The following ULK2 variants were observed in gnomAD, a reference collection of about 807,000 sequenced individuals.
ULK2 encodes the protein serine/threonine-protein kinase ULK2.
In ULK2, 76 loss-of-function variants were observed where a neutral mutation model predicts 127.5. The observed-to-expected ratio is 0.60, with a 90% confidence interval of 0.50 to 0.72. The LOEUF is 0.72. Among genes scored for constraint, ULK2 ranks in the 30% least tolerant of loss-of-function variants. The pLI is 0.00. For missense variants in ULK2, 1,144 were observed against 1,295.9 expected (o/e 0.88, Z 1.80); for synonymous variants, 452 against 461.9 (o/e 0.98, Z 0.28).
At position 19,795,594 on chromosome 17, in the gene ULK2, G is replaced by A. The variant is rs749588857; in HGVS notation, c.2101+28C>T. On this transcript the variant is annotated intron_variant, in intron 20 of 26. Coordinates refer to ENST00000395544, the MANE Select transcript of ULK2 (RefSeq NM_014683.4). The stretch of plus-strand genomic sequence containing the variant: ...AAATGCATATGCTAGCAAATTACCT[G>A]CCTAAAAAGAAACTACATTTTTCTT... 3.8e-6 allele frequency: 6 copies of A among 1,579,710 alleles called. No individual in the cohort carries two copies. The Admixed American group carries it at 1.0e-4, about 26-fold the overall frequency.
chr17:19,776,146 G>C lies in ULK2; in HGVS notation c.*203C>G, dbSNP rs371133825. 3.9e-6 allele frequency: 2 copies of C among 510,376 alleles called. No individual in the cohort carries two copies. 31.6% of individuals were successfully genotyped at this position (510,376 alleles called of 1,614,324 possible). A position where few individuals can be genotyped will look rare whatever the true frequency, so the allele number is the denominator to read the frequency against. ...CTGCTTCTACAAAGAAAAAGGGAAA[G>C]GGTGATTTTCTCCAATAAGGCAGAT... On this transcript the variant is annotated 3_prime_UTR_variant, in exon 27 of 27. Coordinates refer to ENST00000395544, the MANE Select transcript of ULK2 (RefSeq NM_014683.4).
At chr17:19,845,960 C>T (rs2041870345) in intron 6 of ULK2, among the ~76,000 whole-genome samples, 1 of 150,768 alleles carries the variant, frequency 6.6e-6, no homozygotes, top group Admixed American at 6.6e-5. Flanking sequence ...AAAAAAAATA[C>T]AAAAAAAATT....
At chr17:19,830,897 C>T (rs1237951915) in intron 10 of ULK2, among the ~76,000 whole-genome samples, 4 of 151,864 alleles carry the variant, frequency 2.6e-5, no homozygotes, top group Admixed American at 2.0e-4. Flanking sequence ...CGTGGTGGCA[C>T]GCAGCTGTAA....
At chr17:19,861,343 G>A (rs541895122) in intron 3 of ULK2, among the ~76,000 whole-genome samples, 179 of 152,204 alleles carry the variant, frequency 1.2e-3, no homozygotes, top group African/African-American at 4.2e-3. Flanking sequence ...TCAGGAGATC[G>A]AGACCATCCT....
intron 12 of ULK2, among the ~76,000 whole-genome samples, chr17:19,824,733 G>A (rs1597772460): frequency 6.6e-6 from 1 of 152,282 alleles, no homozygotes; most frequent in African/African-American, 2.4e-5. Context: ...CCAAGCTCAT[G>A]TCTACGGCAT....
chr17:19,778,663 T>C (rs755382684), intron 25 of ULK2, among the ~76,000 whole-genome samples: 7 of 152,134 alleles, frequency 4.6e-5, no homozygotes, highest in Non-Finnish European at 2.9e-5. Context: ...CTCTGTTGCC[T>C]AGACTAATCT....
chr17:19,790,552 T>A (rs2087129720), intron 20 of ULK2, among the ~76,000 whole-genome samples: 2 of 145,858 alleles, frequency 1.4e-5, no homozygotes, highest in African/African-American at 2.5e-5. Flanking sequence ...CCAGAGAAAA[T>A]CACCTTCACT....
intron 12 of ULK2, among the ~76,000 whole-genome samples, chr17:19,822,081 G>A (rs1383009856): frequency 6.6e-6 from 1 of 151,842 alleles, no homozygotes; most frequent in Non-Finnish European, 1.5e-5. Flanking sequence ...CACCTGCTGG[G>A]TTCAAGTGAT....
At chr17:19,782,213 A>G in intron 22 of ULK2, 146 bp from the exon 23 acceptor site, 2 of 922,396 alleles carry the variant, frequency 2.2e-6, no homozygotes, top group Non-Finnish European at 3.2e-6. Flanking sequence ...TTTAAATTTC[A>G]GAAAGCTGGT....
chr17:19,816,995 T>TC, intron 12 of ULK2, 75 bp from the exon 13 acceptor site: 1 of 725,732 alleles, frequency 1.4e-6, no homozygotes, highest in Admixed American at 4.9e-5. Context: ...GACTAAGGAA[T>TC]TTTTTTTTTT....
Position 19,782,076 on chromosome 17 carries a change from A to G in ULK2, c.2461-9T>C. On this transcript the variant is annotated splice_polypyrimidine_tract_variant and intron_variant, in intron 22 of 26. Coordinates refer to ENST00000395544, the MANE Select transcript of ULK2 (RefSeq NM_014683.4). ...GTGTCTGTGTGTTCCCGCTGCAGCA[A>G]AGTCAATTTGTCTTAGAAAATTTCA... 1 of 1,612,648 alleles carries G rather than the reference A, an allele frequency of 6.2e-7. No homozygotes were observed. Among genetic ancestry groups the G allele is most frequent in the Non-Finnish European group, 8.5e-7 (1 of 1,179,100 alleles).
At chr17:19,777,874 G>A (rs1359780071) in intron 25 of ULK2, among the ~76,000 whole-genome samples, 158 bp from the exon 26 acceptor site, 1 of 152,160 alleles carries the variant, frequency 6.6e-6, no homozygotes, top group African/African-American at 2.4e-5. Context: ...GATTCTTTGG[G>A]ATGAGCAATA....
intron 1 of ULK2, 103 bp downstream of exon 1, chr17:19,867,225 C>G (rs1377866385): frequency 1.1e-6 from 1 of 882,990 alleles, no homozygotes; most frequent in Admixed American, 3.8e-5. Flanking sequence ...ACCCGGGCGG[C>G]TAGCCGAGTC....
intron 22 of ULK2, among the ~76,000 whole-genome samples, chr17:19,782,873 AC>A (rs2086948682): frequency 6.6e-6 from 1 of 152,162 alleles, no homozygotes; most frequent in African/African-American, 2.4e-5. Context: ...CTGAGATCGC[AC>A]CACTGCATTC....
chr17:19,858,102 G>C (rs529335924), intron 3 of ULK2, among the ~76,000 whole-genome samples: 9 of 152,092 alleles, frequency 5.9e-5, no homozygotes, highest in African/African-American at 1.9e-4. Context: ...GGCACACTTG[G>C]AAATAGTAAC....
intron 18 of ULK2, among the ~76,000 whole-genome samples, chr17:19,797,179 C>T (rs2152385519): frequency 6.6e-6 from 1 of 152,206 alleles, no homozygotes; most frequent in Non-Finnish European, 1.5e-5. Flanking sequence ...TGCCTGTAAT[C>T]TCAGCTACTC....
Position 19,840,879 on chromosome 17 carries a change from ACT to A in ULK2, c.704+608_704+609del, listed in dbSNP as rs143027112. Among the ~76,000 whole-genome samples, 1,144 of 151,918 alleles carry A rather than the reference ACT, an allele frequency of 7.5e-3. 21 individuals carry two copies. Among genetic ancestry groups the A allele is most frequent in the East Asian group, 0.06 (312 of 5,160 alleles). On this transcript the variant is annotated intron_variant, in intron 9 of 26. Coordinates refer to ENST00000395544, the MANE Select transcript of ULK2 (RefSeq NM_014683.4). ...ACTCCAGCCTGGGTGACAGAGCAAG[ACT>A]CTGTCTCAAAAACAAAAAAAAGCAT...
intron 11 of ULK2, 84 bp downstream of exon 11, chr17:19,826,055 G>T (rs939930907): frequency 2.1e-5 from 12 of 569,164 alleles, no homozygotes; most frequent in Non-Finnish European, 3.4e-5. Flanking sequence ...CACAATAAAA[G>T]ATGAATTTTG....
intron 12 of ULK2, among the ~76,000 whole-genome samples, chr17:19,823,846 C>A (rs563316395): frequency 6.6e-6 from 1 of 152,068 alleles, no homozygotes; most frequent in African/African-American, 2.4e-5. Context: ...TATGAATTTG[C>A]GGGGCTGTGT....
Sources: gnomAD v4.1 joint callset for allele counts (sites outside exome capture counted in the v4.1 genomes callset) on GRCh38, gnomAD v4.1.1 for gene constraint, MANE v1.5 for transcripts, NCBI Gene and HGNC (gene_info 2026-07-23, HGNC 2026-07-21) for gene names.